The following SPOCK1 variants were observed in gnomAD, a reference collection of about 807,000 sequenced individuals.
SPOCK1 encodes the protein SPARC (osteonectin), cwcv and kazal like domains proteoglycan 1.
Under a neutral mutation model 55.3 loss-of-function variants are expected in SPOCK1, and 23 were observed. That is an observed-to-expected ratio of 0.42 (90% CI 0.30 to 0.59). SPOCK1 has a LOEUF of 0.59. Among genes scored for constraint, SPOCK1 ranks in the 20% least tolerant of loss-of-function variants. The probability of loss-of-function intolerance (pLI) is 0.22; values close to 1 mark genes in which losing one functional copy is unlikely to be tolerated. For synonymous variants in SPOCK1, 226 were observed against 221.0 expected, an observed-to-expected ratio of 1.02 and a Z score of -0.20; for missense variants, 499 against 552.5, an observed-to-expected ratio of 0.90 and a Z score of 0.97.
At chr5:137,472,392 T>G (rs1753754489) in intron 2 of SPOCK1, among the ~76,000 whole-genome samples, 1 of 149,630 alleles carries the variant, frequency 6.7e-6, no homozygotes. Context: ...AAAAAAAAGC[T>G]CAGTGCAAAC....
At chr5:137,322,033 G>A (rs1757989686) in intron 2 of SPOCK1, among the ~76,000 whole-genome samples, 1 of 152,080 alleles carries the variant, frequency 6.6e-6, no homozygotes, top group Admixed American at 6.5e-5. Context: ...CCTTCAAGTT[G>A]AAAAGAAAGA....
intron 8 of SPOCK1, among the ~76,000 whole-genome samples, chr5:136,987,354 T>C (rs1208690384): frequency 6.6e-6 from 1 of 152,078 alleles, no homozygotes; most frequent in Non-Finnish European, 1.5e-5. Flanking sequence ...AAGAACCTGA[T>C]AGAAAAAATA....
At chr5:137,258,812 T>C (rs1190970177) in intron 3 of SPOCK1, among the ~76,000 whole-genome samples, 3 of 152,176 alleles carry the variant, frequency 2.0e-5, no homozygotes, top group African/African-American at 7.2e-5. Context: ...CCCATAATTG[T>C]AGGGAGAATT....
intron 6 of SPOCK1, among the ~76,000 whole-genome samples, chr5:137,038,779 ATTGC>A (rs1253836646): frequency 1.3e-5 from 2 of 152,208 alleles, no homozygotes; most frequent in African/African-American, 4.8e-5. Context: ...CACAAATTGC[ATTGC>A]TTATTTTTAT....
At chr5:137,102,274 T>G (rs1753285972) in intron 5 of SPOCK1, among the ~76,000 whole-genome samples, 1 of 152,146 alleles carries the variant, frequency 6.6e-6, no homozygotes, top group Admixed American at 6.6e-5. Flanking sequence ...GAAGGGCACA[T>G]GATTCAAAAT....
At chr5:137,302,787 C>T (rs1006077874) in intron 2 of SPOCK1, among the ~76,000 whole-genome samples, 5 of 152,036 alleles carry the variant, frequency 3.3e-5, no homozygotes, top group African/African-American at 7.3e-5. Context: ...CCGGACTCAA[C>T]GTTAAGAAAC....
intron 2 of SPOCK1, among the ~76,000 whole-genome samples, chr5:137,407,514 G>A (rs931639138): frequency 1.3e-5 from 2 of 152,066 alleles, no homozygotes; most frequent in Non-Finnish European, 2.9e-5. Flanking sequence ...GGTAGCATTC[G>A]GTAGTGACCC....
At chr5:137,204,360 G>T (rs909676957) in intron 3 of SPOCK1, among the ~76,000 whole-genome samples, 2 of 152,080 alleles carry the variant, frequency 1.3e-5, no homozygotes, top group Non-Finnish European at 2.9e-5. Flanking sequence ...TCTGTGTCTG[G>T]GAGAGCGCAC....
chr5:137,059,401 AT>A (rs1395055800), intron 6 of SPOCK1, among the ~76,000 whole-genome samples: 2 of 152,274 alleles, frequency 1.3e-5, no homozygotes, highest in African/African-American at 4.8e-5. Flanking sequence ...TTATATGCAT[AT>A]AGAAATAATT....
At chr5:137,412,694 T>C (rs1214398922) in intron 2 of SPOCK1, among the ~76,000 whole-genome samples, 3 of 152,216 alleles carry the variant, frequency 2.0e-5, no homozygotes, top group Non-Finnish European at 4.4e-5. Context: ...GGAACTTCAG[T>C]GGAGTCTTCA....
intron 3 of SPOCK1, among the ~76,000 whole-genome samples, chr5:137,157,682 C>T (rs1302133669): frequency 6.6e-6 from 1 of 152,140 alleles, no homozygotes; most frequent in East Asian, 1.9e-4. Flanking sequence ...CAGGCACTAA[C>T]CTCTGAAATG....
chr5:137,441,501 C>T (rs1753007405), intron 2 of SPOCK1, among the ~76,000 whole-genome samples: 2 of 152,234 alleles, frequency 1.3e-5, no homozygotes, highest in African/African-American at 4.8e-5. Context: ...AGCCACCCGC[C>T]AGGCTGAAAC....
chr5:137,246,659 C>A (rs971692197), intron 3 of SPOCK1, among the ~76,000 whole-genome samples: 1 of 152,160 alleles, frequency 6.6e-6, no homozygotes, highest in East Asian at 1.9e-4. Flanking sequence ...GACAGTGTGG[C>A]CTGAGGGGTC....
At chr5:137,315,963 G>A (rs1757873452) in intron 2 of SPOCK1, among the ~76,000 whole-genome samples, 1 of 152,190 alleles carries the variant, frequency 6.6e-6, no homozygotes, top group Non-Finnish European at 1.5e-5. Context: ...AAAGCAGACT[G>A]CCTTCTGAGA....
intron 3 of SPOCK1, among the ~76,000 whole-genome samples, chr5:137,154,959 C>T (rs1754386977): frequency 6.6e-6 from 1 of 152,138 alleles, no homozygotes; most frequent in Non-Finnish European, 1.5e-5. Context: ...CAGCCAGTTC[C>T]AAATCTGAGC....
At chr5:137,073,448 T>A (rs143440226) in intron 5 of SPOCK1, among the ~76,000 whole-genome samples, 9 of 152,298 alleles carry the variant, frequency 5.9e-5, no homozygotes, top group African/African-American at 1.9e-4. Context: ...AGATTTTGAC[T>A]ACACTTGAGA....
At chr5:137,283,129 G>C (rs1352778542) in intron 2 of SPOCK1, among the ~76,000 whole-genome samples, 1 of 152,188 alleles carries the variant, frequency 6.6e-6, no homozygotes, top group African/African-American at 2.4e-5. Context: ...ACCTTTCCTT[G>C]GGGACGGAGC....
chr5:137,038,963 G>A (rs1751937303), intron 6 of SPOCK1, among the ~76,000 whole-genome samples: 1 of 152,150 alleles, frequency 6.6e-6, no homozygotes, highest in East Asian at 1.9e-4. Flanking sequence ...AATGCAGAGA[G>A]CTGATGACAG....
intron 5 of SPOCK1, among the ~76,000 whole-genome samples, chr5:137,111,382 T>G (rs547025850): frequency 3.9e-4 from 60 of 152,194 alleles, no homozygotes; most frequent in Admixed American, 1.3e-3. Flanking sequence ...GGAAGACAGA[T>G]GAAAATGGTG....
Sources: gnomAD v4.1 joint callset for allele counts (sites outside exome capture counted in the v4.1 genomes callset) on GRCh38, gnomAD v4.1.1 for gene constraint, MANE v1.5 for transcripts, NCBI Gene and HGNC (gene_info 2026-07-23, HGNC 2026-07-21) for gene names.